The following SEMA3C variants were observed in gnomAD, a reference collection of about 807,000 sequenced individuals.
The protein encoded by SEMA3C is semaphorin-3C.
In SEMA3C, 47 loss-of-function variants were observed where a neutral mutation model predicts 89.4. The observed-to-expected ratio is 0.53, with a 90% CI of 0.42 to 0.67. SEMA3C has a LOEUF of 0.67. Among genes scored for constraint, SEMA3C ranks in the 30% least tolerant of loss-of-function variants. The pLI is 0.00. For missense variants in SEMA3C, 839 were observed against 929.1 expected, an observed-to-expected ratio of 0.90 and a Z score of 1.26; for synonymous variants, 310 against 320.2, an observed-to-expected ratio of 0.97 and a Z score of 0.34.
intron 15 of SEMA3C, among the ~76,000 whole-genome samples, chr7:80,755,978 G>T (rs545033102): frequency 6.6e-6 from 1 of 152,032 alleles, no homozygotes; most frequent in Non-Finnish European, 1.5e-5. Flanking sequence ...GTCTTGGAAC[G>T]CATCTACGAG....
chr7:80,789,322 G>A lies in SEMA3C; in HGVS notation c.1338C>T (p.Val446=), dbSNP rs746453166. Residue 446 remains valine, a synonymous_variant, in exon 12 of 18, where the codon GTC becomes GTT. Transcript: ENST00000265361. The part of the protein sequence containing the change: ...RVNAADGRYH[V]LFLGTDRGTV... Reference sequence around the variant, plus strand: ...AATATTTACCTGTTCCGAGAAACAGGACATGGTATCTCCCATCAGCAGCGT... The same window carrying A: ...AATATTTACCTGTTCCGAGAAACAGAACATGGTATCTCCCATCAGCAGCGT... 1 of 1,613,472 alleles carries A rather than the reference G, an allele frequency of 6.2e-7. No homozygotes were observed. The highest frequency in any genetic ancestry group is 1.1e-5 in the South Asian group (1 of 90,990).
intron 2 of SEMA3C, among the ~76,000 whole-genome samples, chr7:80,851,715 G>A (rs1234224818): frequency 2.0e-5 from 3 of 151,556 alleles, no homozygotes; most frequent in Non-Finnish European, 4.4e-5. Context: ...TATGGATAAT[G>A]GTATCATAAC....
chr7:80,797,530 C>T (rs1401071961), intron 11 of SEMA3C, among the ~76,000 whole-genome samples: 1 of 152,148 alleles, frequency 6.6e-6, no homozygotes, highest in African/African-American at 2.4e-5. Flanking sequence ...ACTTCAGTTA[C>T]AAATATTTTA....
At chr7:80,859,461 C>G (rs555037568) in intron 2 of SEMA3C, among the ~76,000 whole-genome samples, 3 of 152,136 alleles carry the variant, frequency 2.0e-5, no homozygotes, top group South Asian at 4.1e-4. Context: ...AGATTTCTAC[C>G]AAGTGTCAGG....
intron 2 of SEMA3C, among the ~76,000 whole-genome samples, chr7:80,856,515 C>A: frequency 2.9e-5 from 3 of 103,598 alleles, no homozygotes; most frequent in Non-Finnish European, 1.8e-5. Context: ...TCAAAGTGTA[C>A]ACAATTCTGC....
chr7:80,826,611 G>A (rs1192664658), intron 4 of SEMA3C, among the ~76,000 whole-genome samples: 1 of 152,234 alleles, frequency 6.6e-6, no homozygotes, highest in East Asian at 1.9e-4. Flanking sequence ...GCAAATAATG[G>A]AAGGAATGAA....
intron 15 of SEMA3C, among the ~76,000 whole-genome samples, chr7:80,753,098 G>A (rs1412987744): frequency 2.0e-5 from 3 of 152,188 alleles, no homozygotes; most frequent in Admixed American, 1.3e-4. Context: ...ATCTACTTAT[G>A]GTAGAATAGG....
chr7:80,885,879 C>T (rs1791463411), intron 2 of SEMA3C, among the ~76,000 whole-genome samples: 1 of 152,196 alleles, frequency 6.6e-6, no homozygotes. Context: ...GTGACTGTGC[C>T]TGTGCAGTCC....
chr7:80,790,495 G>A (rs762305908), intron 11 of SEMA3C, among the ~76,000 whole-genome samples: 1 of 152,112 alleles, frequency 6.6e-6, no homozygotes, highest in Non-Finnish European at 1.5e-5. Flanking sequence ...TGGCCTACAG[G>A]CCTCTGCATG....
intron 2 of SEMA3C, among the ~76,000 whole-genome samples, chr7:80,876,051 G>T (rs908467264): frequency 2.0e-5 from 3 of 152,068 alleles, no homozygotes; most frequent in African/African-American, 7.2e-5. Context: ...TTTGTGGGTG[G>T]AAGATGTGAA....
chr7:80,844,417 A>C (rs752557202), intron 2 of SEMA3C, among the ~76,000 whole-genome samples: 1 of 152,132 alleles, frequency 6.6e-6, no homozygotes. Context: ...CCTGGTATAC[A>C]GTGGTTCAGA....
intron 15 of SEMA3C, among the ~76,000 whole-genome samples, chr7:80,755,693 T>TA (rs1482290027): frequency 1.3e-5 from 2 of 152,020 alleles, no homozygotes; most frequent in African/African-American, 2.4e-5. Flanking sequence ...AAGTAAATAG[T>TA]ATCACCTTAC....
At chr7:80,892,069 T>C (rs1191517590) in intron 2 of SEMA3C, among the ~76,000 whole-genome samples, 1 of 152,126 alleles carries the variant, frequency 6.6e-6, no homozygotes, top group Non-Finnish European at 1.5e-5. Context: ...CATTCTTATA[T>C]TACTAATAGG....
At chr7:80,867,397 G>A (rs533661468) in intron 2 of SEMA3C, among the ~76,000 whole-genome samples, 11 of 152,000 alleles carry the variant, frequency 7.2e-5, no homozygotes, top group Admixed American at 2.0e-4. Flanking sequence ...CACCACTCTC[G>A]GCCTAACAAA....
In SEMA3C at chr7:80,812,302, T is replaced by C. The variant is rs11560392; in HGVS notation, c.448-1601A>G. Among the ~76,000 whole-genome samples the C allele has an allele frequency of 6.4e-3, 968 of 152,286 alleles. 48 individuals are homozygous for C. In the East Asian group the frequency reaches 0.11, roughly 17 times the overall value. On this transcript the variant is annotated intron_variant, in intron 5 of 17. Coordinates refer to ENST00000265361, the MANE Select transcript of SEMA3C (RefSeq NM_006379.5). Reference sequence around the variant, plus strand: ...CTAAGATCTTCATCAATGAAGTCACTCTACAGGTGATGAAAAAATATGACT... The same window carrying C: ...CTAAGATCTTCATCAATGAAGTCACCCTACAGGTGATGAAAAAATATGACT...
chr7:80,829,242 G>T (rs1331259373), intron 2 of SEMA3C, among the ~76,000 whole-genome samples: 1 of 152,078 alleles, frequency 6.6e-6, no homozygotes, highest in African/African-American at 2.4e-5. Flanking sequence ...TAAGTGCAAT[G>T]TTAAAGTTTA....
intron 17 of SEMA3C, 54 bp downstream of exon 17, chr7:80,748,844 A>G: frequency 2.0e-6 from 3 of 1,519,714 alleles, no homozygotes; most frequent in Non-Finnish European, 1.8e-6. Context: ...AGGGACAGTG[A>G]TTTAATGTTC....
intron 2 of SEMA3C, among the ~76,000 whole-genome samples, chr7:80,910,477 T>C (rs1429481869): frequency 6.6e-6 from 1 of 152,214 alleles, no homozygotes; most frequent in African/African-American, 2.4e-5. Flanking sequence ...ACCTTCCATG[T>C]GCCCTTCTTG....
At chr7:80,814,091 CT>C (rs543351408) in intron 5 of SEMA3C, among the ~76,000 whole-genome samples, 19 of 126,242 alleles carry the variant, frequency 1.5e-4, no homozygotes, top group East Asian at 2.5e-4. Flanking sequence ...TTTCTTTTTT[CT>C]TTTTTTTTTT....
Sources: gnomAD v4.1 joint callset for allele counts (sites outside exome capture counted in the v4.1 genomes callset) on GRCh38, gnomAD v4.1.1 for gene constraint, MANE v1.5 for transcripts, NCBI Gene and HGNC (gene_info 2026-07-23, HGNC 2026-07-21) for gene names.